PCDH11X: variants seen among roughly 807,000 people sequenced by gnomAD.
PCDH11X encodes the protein protocadherin-11 X-linked.
A neutral mutation model predicts 53.3 loss-of-function variants in PCDH11X; 18 were observed. The observed-to-expected ratio is 0.34, with a 90% CI of 0.23 to 0.50. The LOEUF is 0.50. PCDH11X is among the 20% of genes least tolerant of loss of function. The pLI is 0.98. For missense variants in PCDH11X, 570 were observed against 1,032.4 expected, an observed-to-expected ratio of 0.55 and a Z score of 6.14; for synonymous variants, 279 against 393.3, an observed-to-expected ratio of 0.71 and a Z score of 3.44.
At chrX:92,257,139 A>T in intron 7 of PCDH11X, among the ~76,000 whole-genome samples, 1 of 111,384 alleles carries the variant, frequency 9.0e-6, no homozygotes, top group East Asian at 2.8e-4. Context: ...ACATGGCCAG[A>T]AAAGGAGCAA....
chrX:92,537,758 A>G lies in PCDH11X; in HGVS notation c.3367+69436A>G, dbSNP rs374813398. Among the ~76,000 whole-genome samples, 4 of 106,511 alleles carry G rather than the reference A, an allele frequency of 3.8e-5. No homozygotes were observed. In the East Asian group the frequency reaches 8.9e-4, roughly 24 times the overall value. 92.5% of individuals were successfully genotyped at this position (106,511 alleles called of 115,157 possible). On this transcript the variant is annotated intron_variant, in intron 10 of 10. Transcript: ENST00000682573. ...TATTTTTGACAAAGTTGCCAAGAAC[A>G]TGCACTGGAAAAAAGACAATCTGAT... is the stretch of plus-strand genomic sequence containing the variant.
In PCDH11X at chrX:92,481,230, T is replaced by A. The variant is rs759258423; in HGVS notation, c.3367+12908T>A. On this transcript the variant is annotated intron_variant, in intron 10 of 10. Coordinates refer to ENST00000682573, the MANE Select transcript of PCDH11X (RefSeq NM_032968.5). ...GGCTCTGACTGCAATGACAGTACAG[T>A]GGGGAGAGAGGAGGTGGAGTGAACT... 4.1e-3 allele frequency among the ~76,000 whole-genome samples: 443 copies of A among 107,591 alleles called. 2 individuals carry two copies. Among genetic ancestry groups the A allele is most frequent in the African/African-American group, 0.014 (411 of 29,440 alleles). 93.4% of individuals were successfully genotyped at this position (107,591 alleles called of 115,157 possible).
At chrX:91,937,275 G>C (rs759451354) in intron 6 of PCDH11X, among the ~76,000 whole-genome samples, 3 of 110,289 alleles carry the variant, frequency 2.7e-5, no homozygotes, top group African/African-American at 9.8e-5. Context: ...GAATCTAGTC[G>C]AATTTACACA....
chrX:91,907,803 G>T (rs1429094828), intron 6 of PCDH11X, among the ~76,000 whole-genome samples: 1 of 110,106 alleles, frequency 9.1e-6, no homozygotes, highest in Non-Finnish European at 1.9e-5. Context: ...CCTCTGAAAG[G>T]CCCCATTGTG....
At chrX:92,353,252 G>T (rs1460126204) in intron 8 of PCDH11X, among the ~76,000 whole-genome samples, 1 of 111,806 alleles carries the variant, frequency 8.9e-6, no homozygotes, top group East Asian at 2.8e-4. Context: ...TTTCACTGAT[G>T]GCAGGTTTTG....
intron 6 of PCDH11X, among the ~76,000 whole-genome samples, chrX:92,156,766 C>G (rs752644198): frequency 2.7e-5 from 3 of 111,623 alleles, no homozygotes; most frequent in East Asian, 5.7e-4. Flanking sequence ...ATTTGATATA[C>G]TACCATTTAT....
chrX:92,165,215 A>G (rs2065713161), intron 6 of PCDH11X, among the ~76,000 whole-genome samples: 1 of 112,052 alleles, frequency 8.9e-6, no homozygotes, highest in Admixed American at 9.5e-5. Flanking sequence ...TTCTTGGCAT[A>G]TATTGAACAC....
At position 92,395,203 on chromosome X, in the gene PCDH11X, G is replaced by A. The variant is rs753559852; in HGVS notation, c.3343+7270G>A. ...TATCTAAACAAACTTTTTCTGAATA[G>A]TGTATATGAAATAAGCCATTAAAAG... On this transcript the variant is annotated intron_variant, in intron 9 of 10. Transcript: ENST00000682573. Among the ~76,000 whole-genome samples, 4 of 111,014 alleles carry A rather than the reference G, an allele frequency of 3.6e-5. No individual in the cohort carries two copies. The East Asian group carries it at 8.5e-4, about 24-fold the overall frequency.
At chrX:92,612,256 A>G (rs72608351) in intron 10 of PCDH11X, among the ~76,000 whole-genome samples, 25,633 of 109,862 alleles carry the variant, frequency 0.23, 2,387 homozygotes, top group African/African-American at 0.3. Flanking sequence ...GTAGTTTTTA[A>G]AATTACTGAT....
intron 7 of PCDH11X, among the ~76,000 whole-genome samples, chrX:92,261,296 A>G (rs764176669): frequency 2.1e-3 from 233 of 111,631 alleles, no homozygotes; most frequent in African/African-American, 7.4e-3. Context: ...GCTTTTCTCA[A>G]TAGAAATTGT....
chrX:92,045,668 G>A (rs2148037677), intron 6 of PCDH11X, among the ~76,000 whole-genome samples: 1 of 103,703 alleles, frequency 9.6e-6, no homozygotes, highest in African/African-American at 3.5e-5. Context: ...GGCCAGGCGT[G>A]GTGGCTCACG....
intron 8 of PCDH11X, among the ~76,000 whole-genome samples, chrX:92,333,897 T>G: frequency 9.1e-6 from 1 of 109,521 alleles, no homozygotes; most frequent in Non-Finnish European, 1.9e-5. Context: ...TACTTTAACT[T>G]TGTGCTGTTC....
At chrX:92,502,035 A>G (rs1163087169) in intron 10 of PCDH11X, among the ~76,000 whole-genome samples, 1 of 111,218 alleles carries the variant, frequency 9.0e-6, no homozygotes, top group Non-Finnish European at 1.9e-5. Context: ...AAGATATAAA[A>G]TCAATGTGCA....
chrX:92,558,679 A>C (rs2075086095), intron 10 of PCDH11X, among the ~76,000 whole-genome samples: 1 of 110,155 alleles, frequency 9.1e-6, no homozygotes, highest in Admixed American at 9.8e-5. Flanking sequence ...CTAAGTAGAA[A>C]AGATAAGAAT....
At chrX:92,474,795 T>C (rs2073340592) in intron 10 of PCDH11X, among the ~76,000 whole-genome samples, 1 of 106,687 alleles carries the variant, frequency 9.4e-6, no homozygotes, top group African/African-American at 3.5e-5. Flanking sequence ...TATTGATATA[T>C]TGTTATACTG....
intron 4 of PCDH11X, among the ~76,000 whole-genome samples, chrX:91,832,470 A>C (rs1475888424): frequency 3.5e-5 from 3 of 84,583 alleles, no homozygotes; most frequent in Non-Finnish European, 4.5e-5. Context: ...AGGGTGGGGA[A>C]CATCACACAT....
chrX:92,221,676 A>G (rs1443415546), intron 7 of PCDH11X, among the ~76,000 whole-genome samples: 2 of 111,910 alleles, frequency 1.8e-5, no homozygotes, highest in East Asian at 5.6e-4. Flanking sequence ...AGTAGCAAAT[A>G]TTAGTTACTT....
chrX:92,168,611 T>G (rs1307236600), intron 6 of PCDH11X, among the ~76,000 whole-genome samples: 1 of 110,925 alleles, frequency 9.0e-6, no homozygotes, highest in African/African-American at 3.3e-5. Flanking sequence ...TGGCAGAAAA[T>G]TAATAAATAA....
Position 91,877,663 on chromosome X carries a change from A to C in PCDH11X, c.1423A>C (p.Ile475Leu). 1 of 1,210,911 alleles carries C rather than the reference A, an allele frequency of 8.3e-7. No individual in the cohort carries two copies. Among genetic ancestry groups the C allele is most frequent in the Non-Finnish European group, 1.1e-6 (1 of 895,268 alleles). Reference protein sequence around the residue: ...VFTQSFVTVSIPENNSPGIQL... With the variant: ...VFTQSFVTVSLPENNSPGIQL... ...CACCCAGTCTTTCGTAACTGTTTCT[A>C]TTCCTGAGAATAACTCTCCTGGCAT... The change falls in exon 6 of 11, where the codon ATT becomes CTT. Residue 475 changes from isoleucine (I) to leucine (L), a missense_variant. Coordinates refer to ENST00000682573, the MANE Select transcript of PCDH11X (RefSeq NM_032968.5).
Sources: allele counts gnomAD v4.1 joint callset (sites outside exome capture counted in the v4.1 genomes callset), GRCh38; gene constraint gnomAD v4.1.1; transcripts MANE v1.5; gene names NCBI Gene and HGNC (gene_info 2026-07-23, HGNC 2026-07-21).